UCHL5: variants seen among roughly 807,000 people sequenced by gnomAD.
UCHL5 encodes the protein ubiquitin C-terminal hydrolase L5.
In UCHL5, 34 loss-of-function variants were observed where a neutral mutation model predicts 53.8. The observed-to-expected ratio is 0.63, with a 90% confidence interval of 0.48 to 0.84. The LOEUF (loss-of-function observed/expected upper bound fraction) is 0.84, where lower values mean the gene tolerates loss of function less well. Among genes scored for constraint, UCHL5 ranks in the 40% least tolerant of loss-of-function variants. UCHL5 has a pLI of 0.00. For missense variants in UCHL5, 290 were observed against 385.6 expected, an observed-to-expected ratio of 0.75 and a Z score of 2.08; for synonymous variants, 111 against 126.3, an observed-to-expected ratio of 0.88 and a Z score of 0.81.
chr1:193,049,264 A>AAT (rs1478810420), intron 3 of UCHL5, among the ~76,000 whole-genome samples: 1 of 152,128 alleles, frequency 6.6e-6, no homozygotes, highest in Non-Finnish European at 1.5e-5. Context: ...AAAATACAAA[A>AAT]ATAGCCTGGT....
intron 3 of UCHL5, among the ~76,000 whole-genome samples, chr1:193,043,168 A>AAAAAAAAC (rs1666242534): frequency 2.0e-5 from 3 of 147,460 alleles, no homozygotes; most frequent in Non-Finnish European, 4.5e-5. Context: ...AAAAAAAAAA[A>AAAAAAAAC]AAAAAAAACC....
chr1:193,042,174 T>C (rs1224964894), intron 3 of UCHL5, among the ~76,000 whole-genome samples: 1 of 151,634 alleles, frequency 6.6e-6, no homozygotes, highest in African/African-American at 2.4e-5. Context: ...AAGTTAAAAT[T>C]TTATTTACAA....
At chr1:193,040,080 G>T (rs1007970642) in intron 3 of UCHL5, among the ~76,000 whole-genome samples, 1 of 152,086 alleles carries the variant, frequency 6.6e-6, no homozygotes, top group Non-Finnish European at 1.5e-5. Context: ...CAGAACACTG[G>T]TCGGGGCAAA....
At chr1:193,025,031 C>T (rs1658639409) in intron 7 of UCHL5, among the ~76,000 whole-genome samples, 1 of 152,102 alleles carries the variant, frequency 6.6e-6, no homozygotes, top group African/African-American at 2.4e-5. Flanking sequence ...AGCTGGGGAA[C>T]TCAGGAACCA....
intron 1 of UCHL5, among the ~76,000 whole-genome samples, chr1:193,053,193 A>G (rs548050032): frequency 6.6e-6 from 1 of 152,360 alleles, no homozygotes; most frequent in Admixed American, 6.5e-5. Flanking sequence ...AATTAGGGAA[A>G]AAACCTCATA....
intron 2 of UCHL5, among the ~76,000 whole-genome samples, chr1:193,050,570 T>TA (rs1415598885): frequency 1.3e-5 from 2 of 151,514 alleles, no homozygotes; most frequent in Admixed American, 1.3e-4. Context: ...ACATCTCTAC[T>TA]AAAAAAACAA....
At chr1:193,050,590 A>G (rs1668697358) in intron 2 of UCHL5, among the ~76,000 whole-genome samples, 4 of 151,870 alleles carry the variant, frequency 2.6e-5, no homozygotes, top group African/African-American at 9.7e-5. Context: ...AAAACAAAAC[A>G]AAAAAATTAG....
In UCHL5 at chr1:193,029,420, A is replaced by G; in HGVS notation, c.402T>C (p.Asp134=). ...AMKGLALSNS[D]VIRQVHNSFA... ...AACTGTTGTGTACTTGTCGAATCAC[A>G]TCTGAATTGCTCAGTGCCAAGCCTT... The change falls in exon 5 of 11, where the codon GAT becomes GAC. Residue 134 remains aspartate, a synonymous_variant. Coordinates refer to ENST00000367454, the MANE Select transcript of UCHL5 (RefSeq NM_001199261.3). 3.1e-6 allele frequency: 5 copies of G among 1,613,828 alleles called. No homozygotes were observed. Among genetic ancestry groups the G allele is most frequent in the Non-Finnish European group, 4.2e-6 (5 of 1,179,886 alleles).
chr1:193,048,897 C>CTTT (rs561343314), intron 3 of UCHL5, among the ~76,000 whole-genome samples: 1,847 of 151,720 alleles, frequency 0.012, 19 homozygotes, highest in South Asian at 0.034. Flanking sequence ...TTCTTTTTTT[C>CTTT]TTATTTTTTT....
chr1:193,021,444 T>C (rs1279025560), intron 9 of UCHL5, among the ~76,000 whole-genome samples: 1 of 152,152 alleles, frequency 6.6e-6, no homozygotes, highest in Non-Finnish European at 1.5e-5. Context: ...CAATCTAACA[T>C]TACTTATGAA....
At chr1:193,059,493 A>G (rs1213596623), upstream of UCHL5, 1 of 1,600,960 alleles carries the variant, frequency 6.2e-7, no homozygotes, top group Non-Finnish European at 8.5e-7. The surrounding 1 kb of genome is among the most constrained non-coding windows in gnomAD (Gnocchi z 4.9). Context: ...CAGCACCCGT[A>G]GCGGATTCGG....
intron 3 of UCHL5, among the ~76,000 whole-genome samples, chr1:193,039,984 C>T (rs1664971372): frequency 6.6e-6 from 1 of 152,014 alleles, no homozygotes. Context: ...CCACCGTACA[C>T]AAAAATCAAA....
At chr1:193,059,755 G>C (rs774628651), upstream of UCHL5, 2 of 1,356,040 alleles carry the variant, frequency 1.5e-6, no homozygotes, top group Non-Finnish European at 9.8e-7. This position sits in a 1 kb window ranked among gnomAD's most constrained non-coding sequence, Gnocchi z 4.9. Context: ...TGCGGATCCA[G>C]GGGGTCGGCT....
At chr1:193,019,252 C>T (rs186714890) in intron 10 of UCHL5, among the ~76,000 whole-genome samples, 14 of 151,646 alleles carry the variant, frequency 9.2e-5, no homozygotes, top group African/African-American at 2.9e-4. Flanking sequence ...CTATTTAGCA[C>T]AATACCATAA....
At chr1:193,038,987 CA>C (rs1664609667) in intron 3 of UCHL5, among the ~76,000 whole-genome samples, 1 of 151,642 alleles carries the variant, frequency 6.6e-6, no homozygotes, top group Non-Finnish European at 1.5e-5. Context: ...GACCCTGTCT[CA>C]AAAACAAAAA....
chr1:193,037,050 A>G (rs1387735308), intron 3 of UCHL5, among the ~76,000 whole-genome samples: 3 of 151,976 alleles, frequency 2.0e-5, no homozygotes, highest in African/African-American at 7.2e-5. Context: ...AAGTAGAAAG[A>G]CTCCAAATAA....
chr1:193,046,017 CA>C (rs1359960784), intron 3 of UCHL5, among the ~76,000 whole-genome samples: 3 of 150,492 alleles, frequency 2.0e-5, no homozygotes, highest in African/African-American at 4.9e-5. Flanking sequence ...AAATATTATA[CA>C]AATGGACTAT....
chr1:193,037,808 A>G (rs1435619746), intron 3 of UCHL5, among the ~76,000 whole-genome samples: 1 of 151,804 alleles, frequency 6.6e-6, no homozygotes, highest in African/African-American at 2.4e-5. Flanking sequence ...TAATGGGTGC[A>G]GCACACCAAC....
At chr1:193,022,210 T>A (rs942368666) in intron 9 of UCHL5, among the ~76,000 whole-genome samples, 22 of 152,164 alleles carry the variant, frequency 1.4e-4, no homozygotes, top group Admixed American at 1.2e-3. Context: ...TTAAGGCCCA[T>A]TCATTTCACT....
Sources: allele counts gnomAD v4.1 joint callset (sites outside exome capture counted in the v4.1 genomes callset), GRCh38; gene constraint gnomAD v4.1.1; non-coding constraint Gnocchi (gnomAD v3.1); transcripts MANE v1.5; gene names NCBI Gene and HGNC (gene_info 2026-07-23, HGNC 2026-07-21).